The following CCNI variants were observed in gnomAD, a reference collection of about 807,000 sequenced individuals.
CCNI encodes the protein cyclin-I.
In CCNI, 14 loss-of-function variants were observed where a neutral mutation model predicts 34.1. The ratio of observed to expected loss-of-function variants is 0.41; its 90% CI spans 0.27 to 0.64. CCNI has a LOEUF of 0.64. Among genes scored for constraint, CCNI ranks in the 30% least tolerant of loss-of-function variants. The probability of loss-of-function intolerance (pLI) is 0.31; values close to 1 mark genes in which losing one functional copy is unlikely to be tolerated. For missense variants in CCNI, 385 were observed against 440.5 expected, an observed-to-expected ratio of 0.87 and a Z score of 1.13; for synonymous variants, 154 against 158.4, an observed-to-expected ratio of 0.97 and a Z score of 0.21.
At position 77,056,232 on chromosome 4, in the gene CCNI, T is replaced by C. The variant is rs1393118487; in HGVS notation, c.318+17A>G. The C allele has an allele frequency of 1.2e-6, 2 of 1,608,500 alleles. No homozygotes were observed. The highest frequency in any genetic ancestry group is 1.7e-6 in the Non-Finnish European group (2 of 1,175,538). On this transcript the variant is annotated intron_variant, in intron 4 of 6. Coordinates refer to ENST00000237654, the MANE Select transcript of CCNI (RefSeq NM_006835.3). ...AAATTTTCACGGAAGAAACATTATC[T>C]TGAAAGGATTTATTACCTCATCTTC... is the stretch of plus-strand genomic sequence containing the variant.
At chr4:77,072,434 C>A (rs1393632129) in intron 1 of CCNI, among the ~76,000 whole-genome samples, 6 of 123,748 alleles carry the variant, frequency 4.8e-5, no homozygotes, top group Non-Finnish European at 9.5e-5. Context: ...GACAACAGAG[C>A]GAGATCCCTG....
At position 77,047,986 on chromosome 4, in the gene CCNI, A is replaced by G. The variant is rs944876057; in HGVS notation, c.*233T>C. 5.2e-6 allele frequency: 2 copies of G among 383,596 alleles called. No individual in the cohort carries two copies. The highest frequency in any genetic ancestry group is 7.0e-4 in the Middle Eastern group (1 of 1,436). The allele number at this position is 383,596 out of a possible 1,614,324, so 23.8% of individuals were successfully genotyped here. A position where few individuals can be genotyped will look rare whatever the true frequency, so the allele number is the denominator to read the frequency against. ...ACTACAAAGAGATTTTTTAAGTTTA[A>G]AAAAAGTTTGGATCTTTTGGATTTC... is the stretch of plus-strand genomic sequence containing the variant. On this transcript the variant is annotated 3_prime_UTR_variant, in exon 7 of 7. Transcript: ENST00000237654.
chr4:77,065,739 G>A (rs1041973320), intron 2 of CCNI, among the ~76,000 whole-genome samples: 1 of 152,140 alleles, frequency 6.6e-6, no homozygotes, highest in Non-Finnish European at 1.5e-5. Flanking sequence ...CAACAAAACA[G>A]GTCAACAAAC....
At position 77,056,048 on chromosome 4, in the gene CCNI, A is replaced by C; in HGVS notation, c.373T>G (p.Ser125Ala). 1 of 1,613,680 alleles carries C rather than the reference A, an allele frequency of 6.2e-7. No individual in the cohort carries two copies. Among genetic ancestry groups the C allele is most frequent in the Non-Finnish European group, 8.5e-7 (1 of 1,179,630 alleles). Residue 125 changes from serine (S) to alanine (A), a missense_variant, in exon 5 of 7, where the codon TCT (serine) becomes GCT (alanine). Ser to Ala is a moderately conservative substitution (Grantham distance 99). Transcript: ENST00000237654. ...ARDSFCGCSSSEILRMERIIL... is the reference protein window; with the variant it reads ...ARDSFCGCSSAEILRMERIIL... ...ATTCTCTCCATTCTCAAAATTTCAG[A>C]TGAGGAACATCCACAGAAACTGTCT...
At chr4:77,069,980 CTTTAA>C (rs1278270023) in intron 1 of CCNI, among the ~76,000 whole-genome samples, 1 of 150,560 alleles carries the variant, frequency 6.6e-6, no homozygotes, top group African/African-American at 2.5e-5. Context: ...TCTAAATTAG[CTTTAA>C]TTTTACCATA....
intron 6 of CCNI, among the ~76,000 whole-genome samples, chr4:77,049,203 ATAG>A (rs1014219358): frequency 2.6e-5 from 4 of 152,240 alleles, no homozygotes; most frequent in African/African-American, 9.6e-5. Context: ...TTTGTAGAAA[ATAG>A]TAGACTTAGC....
At chr4:77,052,241 CA>C (rs1270334980) in intron 6 of CCNI, among the ~76,000 whole-genome samples, 1 of 151,750 alleles carries the variant, frequency 6.6e-6, no homozygotes, top group Non-Finnish European at 1.5e-5. Flanking sequence ...TGCGTTAATT[CA>C]CTCAGGATAA....
At chr4:77,053,682 T>TAG (rs896427877) in intron 6 of CCNI, among the ~76,000 whole-genome samples, 1 of 152,196 alleles carries the variant, frequency 6.6e-6, no homozygotes, top group African/African-American at 2.4e-5. Flanking sequence ...AGAAGGCATT[T>TAG]AGAGAGATGT....
chr4:77,061,471 G>C (rs187696815), intron 2 of CCNI, among the ~76,000 whole-genome samples: 4 of 152,204 alleles, frequency 2.6e-5, no homozygotes, highest in African/African-American at 9.6e-5. Flanking sequence ...ATAATGGATT[G>C]ATCAAACATG....
chr4:77,051,954 G>GT (rs374549894), intron 6 of CCNI, among the ~76,000 whole-genome samples: 16,639 of 141,272 alleles, frequency 0.12, 1,132 homozygotes, highest in African/African-American at 0.19. Context: ...CTGTTTTTTT[G>GT]TTTTTTTTTT....
intron 6 of CCNI, among the ~76,000 whole-genome samples, chr4:77,052,279 G>T (rs1007797367): frequency 6.6e-6 from 1 of 152,094 alleles, no homozygotes; most frequent in Admixed American, 6.6e-5. Flanking sequence ...CCATGTTGCT[G>T]CAAAGGACAT....
rs4252820 is a variant in CCNI, at chr4:77,066,805, T to C, written c.-43-400A>G. Among the ~76,000 whole-genome samples the C allele has an allele frequency of 9.3e-3, 1,423 of 152,320 alleles. 21 individuals carry two copies. The highest frequency in any genetic ancestry group is 0.032 in the African/African-American group (1,332 of 41,564). On this transcript the variant is annotated intron_variant, in intron 1 of 6. Transcript: ENST00000237654. The stretch of plus-strand genomic sequence containing the variant: ...TTTTTCCTTCATTAAAAAGAAAATA[T>C]ATTACATTAAATCCTACCCATTCCC...
chr4:77,051,522 A>C (rs1172731607), intron 6 of CCNI, among the ~76,000 whole-genome samples: 2 of 152,244 alleles, frequency 1.3e-5, no homozygotes, highest in Non-Finnish European at 2.9e-5. Context: ...GAAATTATTC[A>C]AAACAAAACC....
chr4:77,069,598 C>G (rs968269251), intron 1 of CCNI, among the ~76,000 whole-genome samples: 1 of 106,692 alleles, frequency 9.4e-6, no homozygotes, highest in Non-Finnish European at 1.8e-5. Flanking sequence ...CCTCCCCCCA[C>G]CCCACAACAG....
Position 77,066,398 on chromosome 4 carries a change from G to T in CCNI, c.-36C>A. 6.2e-7 allele frequency: 1 copy of T among 1,612,182 alleles called. No individual in the cohort carries two copies. Among genetic ancestry groups the T allele is most frequent in the Non-Finnish European group, 8.5e-7 (1 of 1,179,072 alleles). The stretch of plus-strand genomic sequence containing the variant: ...GGATCTGCCTGCTACCCAGCTTGCT[G>T]TAGCTACCTACAGAATCAAGTAAGT... On this transcript the variant is annotated 5_prime_UTR_variant, in exon 2 of 7. Coordinates refer to ENST00000237654, the MANE Select transcript of CCNI (RefSeq NM_006835.3).
intron 2 of CCNI, among the ~76,000 whole-genome samples, chr4:77,063,369 A>AT (rs1728757481): frequency 7.4e-6 from 1 of 135,054 alleles, no homozygotes; most frequent in Non-Finnish European, 1.6e-5. Context: ...AAAAAAAAAA[A>AT]GCCAGTCCCT....
At chr4:77,070,474 C>CTTT (rs543086530) in intron 1 of CCNI, among the ~76,000 whole-genome samples, 3 of 119,166 alleles carry the variant, frequency 2.5e-5, no homozygotes, top group Non-Finnish European at 5.4e-5. Context: ...TGGGTACTTT[C>CTTT]TTTTTTTTTT....
chr4:77,074,226 C>T (rs1376249567), intron 1 of CCNI, among the ~76,000 whole-genome samples: 1 of 152,224 alleles, frequency 6.6e-6, no homozygotes, highest in African/African-American at 2.4e-5. Context: ...AACTGCAGAT[C>T]ATTTTTACTG....
intron 5 of CCNI, among the ~76,000 whole-genome samples, chr4:77,055,700 C>T (rs999586358): frequency 6.6e-6 from 1 of 152,158 alleles, no homozygotes; most frequent in Non-Finnish European, 1.5e-5. Flanking sequence ...TTCCTGACCT[C>T]AAGTGATCCG....
Sources: allele counts gnomAD v4.1 joint callset (sites outside exome capture counted in the v4.1 genomes callset), GRCh38; gene constraint gnomAD v4.1.1; transcripts MANE v1.5; gene names NCBI Gene and HGNC (gene_info 2026-07-23, HGNC 2026-07-21).